NKAIN2: variants seen among roughly 807,000 people sequenced by gnomAD.
NKAIN2 encodes the protein sodium/potassium-transporting ATPase subunit beta-1-interacting protein 2.
In NKAIN2, 14 loss-of-function variants were observed where a neutral mutation model predicts 32.6. The observed-to-expected ratio is 0.43, with a 90% CI of 0.28 to 0.67. The LOEUF is 0.67. Ranked by LOEUF, NKAIN2 falls within the 30% of genes least tolerant of loss-of-function variation. The probability of loss-of-function intolerance (pLI) is 0.17; values close to 1 mark genes in which losing one functional copy is unlikely to be tolerated. For synonymous variants in NKAIN2, 80 were observed against 87.2 expected, an observed-to-expected ratio of 0.92 and a Z score of 0.46; for missense variants, 198 against 258.3, an observed-to-expected ratio of 0.77 and a Z score of 1.60.
At chr6:124,431,775 C>T (rs1372275513) in intron 3 of NKAIN2, among the ~76,000 whole-genome samples, 2 of 151,986 alleles carry the variant, frequency 1.3e-5, no homozygotes, top group Non-Finnish European at 2.9e-5. Flanking sequence ...CACACACACA[C>T]ATATATAATT....
intron 4 of NKAIN2, among the ~76,000 whole-genome samples, chr6:124,782,777 T>C (rs533102368): frequency 6.6e-6 from 1 of 152,240 alleles, no homozygotes; most frequent in African/African-American, 2.4e-5. Flanking sequence ...TTGTGTACAT[T>C]TTACAGAACA....
chr6:124,035,823 T>C (rs1781584669), intron 1 of NKAIN2, among the ~76,000 whole-genome samples: 1 of 152,142 alleles, frequency 6.6e-6, no homozygotes, highest in Non-Finnish European at 1.5e-5. Context: ...ACACTGTCAC[T>C]GTACCTTAGT....
intron 6 of NKAIN2, 49 bp from the exon 7 acceptor site, chr6:124,823,171 G>A (rs759758519): frequency 1.9e-5 from 25 of 1,344,066 alleles, no homozygotes; most frequent in Non-Finnish European, 2.7e-5. Flanking sequence ...TGAGCAGCAG[G>A]CACCTGTCAC....
intron 1 of NKAIN2, among the ~76,000 whole-genome samples, chr6:124,035,420 G>T (rs1781568532): frequency 6.6e-6 from 1 of 152,014 alleles, no homozygotes; most frequent in African/African-American, 2.4e-5. Flanking sequence ...TAAAATAAAA[G>T]TATTATCCTC....
At chr6:124,735,743 T>C (rs1383542322) in intron 4 of NKAIN2, among the ~76,000 whole-genome samples, 1 of 151,916 alleles carries the variant, frequency 6.6e-6, no homozygotes, top group African/African-American at 2.4e-5. Context: ...TCATCTTTGA[T>C]GTTTTGGGGG....
chr6:124,799,641 C>G (rs180791270), intron 5 of NKAIN2, among the ~76,000 whole-genome samples: 65 of 152,254 alleles, frequency 4.3e-4, no homozygotes, highest in African/African-American at 1.6e-3. Flanking sequence ...AAAGGAGGGC[C>G]TTTAACTGGG....
intron 4 of NKAIN2, chr6:124,658,958 T>TA (rs10685886): frequency 0.1 from 11,390 of 114,290 alleles, 476 homozygotes; most frequent in Non-Finnish European, 0.11. Context: ...ACTGTAACAA[T>TA]AAAAAAAAAA....
chr6:123,885,340 A>T (rs931645492), intron 1 of NKAIN2, among the ~76,000 whole-genome samples: 1 of 152,104 alleles, frequency 6.6e-6, no homozygotes, highest in East Asian at 1.9e-4. Context: ...GACATCCTAC[A>T]GTTTTGATCT....
At position 124,365,620 on chromosome 6, in the gene NKAIN2, T is replaced by G. The variant is rs1410693702; in HGVS notation, c.273+10273T>G. ...ACTTTTACATTACTCTCTGGATACATCAATCAGATGAAAATTCAATAAGGA... is the reference window on the plus strand; with the variant it reads ...ACTTTTACATTACTCTCTGGATACAGCAATCAGATGAAAATTCAATAAGGA... On this transcript the variant is annotated intron_variant, in intron 3 of 6. Coordinates refer to ENST00000368417, the MANE Select transcript of NKAIN2 (RefSeq NM_001040214.3). 3.8e-4 allele frequency among the ~76,000 whole-genome samples: 58 copies of G among 151,880 alleles called. 1 individual carries two copies. Among genetic ancestry groups the G allele is most frequent in the Non-Finnish European group, 7.4e-5 (5 of 67,860 alleles).
At chr6:124,597,523 T>C (rs911146204) in intron 3 of NKAIN2, among the ~76,000 whole-genome samples, 1 of 152,102 alleles carries the variant, frequency 6.6e-6, no homozygotes, top group Non-Finnish European at 1.5e-5. Flanking sequence ...AGAGACATAA[T>C]TGATTTCATT....
intron 4 of NKAIN2, among the ~76,000 whole-genome samples, chr6:124,692,978 T>C (rs1447413511): frequency 1.3e-5 from 2 of 152,230 alleles, no homozygotes; most frequent in African/African-American, 4.8e-5. Context: ...CTCATCACAG[T>C]GAACATTATG....
chr6:123,915,037 A>G (rs529692293), intron 1 of NKAIN2, among the ~76,000 whole-genome samples: 10 of 152,244 alleles, frequency 6.6e-5, no homozygotes, highest in African/African-American at 1.2e-4. Flanking sequence ...GAGTTCTCCA[A>G]ATAATTTGTA....
At chr6:124,600,216 A>G in intron 3 of NKAIN2, among the ~76,000 whole-genome samples, 1 of 152,104 alleles carries the variant, frequency 6.6e-6, no homozygotes, top group Middle Eastern at 3.2e-3. Flanking sequence ...CCACAGATAT[A>G]TTGAACATTT....
At chr6:124,365,733 A>G (rs1442305558) in intron 3 of NKAIN2, among the ~76,000 whole-genome samples, 1 of 152,062 alleles carries the variant, frequency 6.6e-6, no homozygotes, top group Non-Finnish European at 1.5e-5. Context: ...TTTCAAAGGC[A>G]TATAGAATAT....
At chr6:123,998,533 C>T (rs1193129200) in intron 1 of NKAIN2, among the ~76,000 whole-genome samples, 2 of 151,902 alleles carry the variant, frequency 1.3e-5, no homozygotes, top group Admixed American at 1.3e-4. Flanking sequence ...AAATTTGGGG[C>T]AAATCTGGAT....
intron 4 of NKAIN2, among the ~76,000 whole-genome samples, chr6:124,790,889 C>T (rs1453427031): frequency 6.6e-6 from 1 of 152,078 alleles, no homozygotes; most frequent in African/African-American, 2.4e-5. Flanking sequence ...ACAAAGAACC[C>T]ATGCAACAAA....
chr6:124,000,797 C>T (rs1562301024), intron 1 of NKAIN2, among the ~76,000 whole-genome samples: 2 of 152,012 alleles, frequency 1.3e-5, no homozygotes, highest in Non-Finnish European at 2.9e-5. Flanking sequence ...CTGTTATTTT[C>T]TGTTGTTTGT....
At chr6:124,039,235 C>G (rs1781751558) in intron 1 of NKAIN2, among the ~76,000 whole-genome samples, 1 of 151,950 alleles carries the variant, frequency 6.6e-6, no homozygotes, top group Non-Finnish European at 1.5e-5. Flanking sequence ...TAGGTCAATA[C>G]ATATTGAAGG....
At chr6:123,874,956 G>T (rs1294358886) in intron 1 of NKAIN2, among the ~76,000 whole-genome samples, 1 of 151,812 alleles carries the variant, frequency 6.6e-6, no homozygotes, top group African/African-American at 2.4e-5. Flanking sequence ...TAAAGGATAT[G>T]AATATTTTAA....
Sources: allele counts gnomAD v4.1 joint callset (sites outside exome capture counted in the v4.1 genomes callset), GRCh38; gene constraint gnomAD v4.1.1; transcripts MANE v1.5; gene names NCBI Gene and HGNC (gene_info 2026-07-23, HGNC 2026-07-21).